Variants in TBC1D22A observed in about 807,000 individuals in gnomAD.
TBC1D22A encodes the protein TBC1 domain family member 22A.
Under a neutral mutation model 60.2 loss-of-function variants are expected in TBC1D22A, and 38 were observed. That is an observed-to-expected ratio of 0.63 (90% CI 0.49 to 0.83). TBC1D22A has a LOEUF of 0.83. TBC1D22A is among the 40% of genes least tolerant of loss of function. TBC1D22A has a pLI of 0.00. For synonymous variants in TBC1D22A, 302 were observed against 281.7 expected (o/e 1.07, Z -0.72); for missense variants, 628 against 701.0 (o/e 0.90, Z 1.18).
chr22:46,958,300 GC>G (rs1210970746), intron 8 of TBC1D22A, among the ~76,000 whole-genome samples: 1 of 152,208 alleles, frequency 6.6e-6, no homozygotes, highest in African/African-American at 2.4e-5. Context: ...CAAGCTGGCT[GC>G]CTGTTCTGAG....
At chr22:46,857,762 G>T (rs1179967648) in intron 4 of TBC1D22A, among the ~76,000 whole-genome samples, 2 of 151,850 alleles carry the variant, frequency 1.3e-5, no homozygotes, top group East Asian at 3.9e-4. Flanking sequence ...ACTGGCTCCC[G>T]TTCCCTCGCA....
At chr22:47,032,658 C>A (rs540383627) in intron 10 of TBC1D22A, among the ~76,000 whole-genome samples, 1 of 152,382 alleles carries the variant, frequency 6.6e-6, no homozygotes, top group East Asian at 1.9e-4. Flanking sequence ...TGGGGCCCTG[C>A]CCTGGCAGCA....
chr22:47,171,581 C>T (rs2147236614), intron 12 of TBC1D22A, among the ~76,000 whole-genome samples: 1 of 152,304 alleles, frequency 6.6e-6, no homozygotes, highest in Non-Finnish European at 1.5e-5. Flanking sequence ...TTCTGAGAAC[C>T]CCCACTGCAG....
intron 12 of TBC1D22A, among the ~76,000 whole-genome samples, chr22:47,170,334 A>G (rs1407473489): frequency 6.6e-6 from 1 of 152,204 alleles, no homozygotes; most frequent in African/African-American, 2.4e-5. Flanking sequence ...GAGCGAGGTC[A>G]TGATAATATG....
At chr22:46,789,361 G>A (rs1447057670) in intron 1 of TBC1D22A, 2 of 457,132 alleles carry the variant, frequency 4.4e-6, no homozygotes, top group Non-Finnish European at 4.5e-6. Flanking sequence ...TCCTGACCTC[G>A]TGATCCGCCC....
chr22:46,798,097 G>C (rs906741838), intron 4 of TBC1D22A, among the ~76,000 whole-genome samples: 10 of 152,132 alleles, frequency 6.6e-5, no homozygotes, highest in Non-Finnish European at 1.5e-4. Flanking sequence ...GGCTGGTCTT[G>C]AACTCCTAGG....
intron 4 of TBC1D22A, among the ~76,000 whole-genome samples, chr22:46,847,580 T>C (rs1213485294): frequency 6.6e-6 from 1 of 152,270 alleles, no homozygotes; most frequent in African/African-American, 2.4e-5. Flanking sequence ...TGGACGTGTC[T>C]GTAGGAAAAT....
intron 4 of TBC1D22A, among the ~76,000 whole-genome samples, chr22:46,856,923 G>C (rs1370922996): frequency 6.6e-6 from 1 of 152,254 alleles, no homozygotes; most frequent in Non-Finnish European, 1.5e-5. Flanking sequence ...GAGGGTGCAA[G>C]CATTTGAAAT....
intron 4 of TBC1D22A, among the ~76,000 whole-genome samples, chr22:46,840,647 G>C (rs904980133): frequency 6.6e-6 from 1 of 151,930 alleles, no homozygotes; most frequent in South Asian, 2.1e-4. Context: ...GCAGGAGAAT[G>C]GCTTGAACCC....
chr22:46,974,705 C>T (rs997680428), intron 9 of TBC1D22A, among the ~76,000 whole-genome samples: 2 of 152,208 alleles, frequency 1.3e-5, no homozygotes, highest in Admixed American at 6.5e-5. Context: ...CACAGGCTCA[C>T]GGTAGCTATG....
At chr22:47,125,886 G>T (rs1314355893) in intron 12 of TBC1D22A, among the ~76,000 whole-genome samples, 2 of 152,276 alleles carry the variant, frequency 1.3e-5, no homozygotes, top group East Asian at 3.8e-4. Context: ...TCAAGTACAG[G>T]TGACTCTCCT....
intron 9 of TBC1D22A, among the ~76,000 whole-genome samples, chr22:46,987,170 G>A (rs1237618309): frequency 6.6e-6 from 1 of 152,156 alleles, no homozygotes; most frequent in African/African-American, 2.4e-5. Context: ...CAGAAGTCAT[G>A]CCCCCTGTAC....
At chr22:46,938,615 T>C (rs2071801835) in intron 8 of TBC1D22A, among the ~76,000 whole-genome samples, 1 of 151,286 alleles carries the variant, frequency 6.6e-6, no homozygotes, top group African/African-American at 2.4e-5. Context: ...AGGTGGAGTC[T>C]TGCTCTGTTG....
intron 10 of TBC1D22A, among the ~76,000 whole-genome samples, chr22:47,005,672 A>G (rs1356062605): frequency 1.3e-5 from 2 of 150,052 alleles, no homozygotes; most frequent in Non-Finnish European, 3.0e-5. Flanking sequence ...ACACCCATAT[A>G]CATATACACA....
chr22:46,988,288 C>T (rs1438712461), intron 9 of TBC1D22A, among the ~76,000 whole-genome samples: 1 of 152,216 alleles, frequency 6.6e-6, no homozygotes, highest in African/African-American at 2.4e-5. Flanking sequence ...CAACTTCTAA[C>T]TTGCAGTTAA....
At chr22:46,983,986 G>A (rs1339155605) in intron 9 of TBC1D22A, among the ~76,000 whole-genome samples, 2 of 152,068 alleles carry the variant, frequency 1.3e-5, no homozygotes, top group Admixed American at 1.3e-4. Flanking sequence ...CTTTGAGTGT[G>A]TGCTTTCTGG....
At chr22:46,981,403 C>T (rs2148163744) in intron 9 of TBC1D22A, among the ~76,000 whole-genome samples, 1 of 152,322 alleles carries the variant, frequency 6.6e-6, no homozygotes, top group East Asian at 1.9e-4. Context: ...ACCAGCTTTC[C>T]TGCCTCTCAG....
chr22:46,775,152 T>C (rs1159962053), intron 1 of TBC1D22A, among the ~76,000 whole-genome samples: 1 of 152,210 alleles, frequency 6.6e-6, no homozygotes, highest in Non-Finnish European at 1.5e-5. Context: ...GGACCCGGTC[T>C]TGGAAAGGGG....
At chr22:46,980,646 A>G (rs1433468307) in intron 9 of TBC1D22A, among the ~76,000 whole-genome samples, 1 of 254 alleles carries the variant, frequency 3.9e-3, no homozygotes, top group Non-Finnish European at 7.8e-3. Flanking sequence ...TACTGAAAAT[A>G]TGGGCAGATT....
Sources: gnomAD v4.1 joint callset for allele counts (sites outside exome capture counted in the v4.1 genomes callset) on GRCh38, gnomAD v4.1.1 for gene constraint, MANE v1.5 for transcripts, NCBI Gene and HGNC (gene_info 2026-07-23, HGNC 2026-07-21) for gene names.